DMBX1: variants seen among roughly 807,000 people sequenced by gnomAD.
DMBX1 encodes the protein diencephalon/mesencephalon homeobox protein 1.
Under a neutral mutation model 30.4 loss-of-function variants are expected in DMBX1, and 7 were observed. The observed-to-expected ratio is 0.23, with a 90% CI of 0.13 to 0.43. The LOEUF is 0.43. DMBX1 is among the 20% of genes least tolerant of loss of function. The pLI, the probability that DMBX1 is intolerant of heterozygous loss-of-function variation, is 1.00. For synonymous variants in DMBX1, 222 were observed against 214.2 expected, an observed-to-expected ratio of 1.04 and a Z score of -0.32; for missense variants, 460 against 508.5, an observed-to-expected ratio of 0.90 and a Z score of 0.92.
In DMBX1 at chr1:46,510,512, G is replaced by T. The variant is rs763846022; in HGVS notation, c.191G>T (p.Arg64Leu). Residue 64 changes from arginine (R) to leucine (L), a missense_variant, in exon 4 of 6, where the codon CGC becomes CTC. By Grantham distance (102) the Arg-to-Leu change is moderately radical. This residue lies in a region of DMBX1 where 124 missense variants were observed against 144.0 expected (regional missense o/e 0.86). Transcript: ENST00000360032. The surrounding 1 kb of genome is among the most constrained non-coding windows in gnomAD (Gnocchi z 4.1). ...ILEARYGSQH[R>L]KQRRSRTAFT... ...GAGGCCCGTTATGGTTCCCAGCACC[G>T]CAAACAACGTCGCAGCCGCACAGCG... The T allele has an allele frequency of 1.9e-6, 3 of 1,614,044 alleles. No homozygotes were observed. Among genetic ancestry groups the T allele is most frequent in the Non-Finnish European group, 2.5e-6 (3 of 1,180,004 alleles).
At chr1:46,511,365 TGC>T in intron 5 of DMBX1, 82 bp downstream of exon 5, 1 of 1,363,436 alleles carries the variant, frequency 7.3e-7, no homozygotes, top group Non-Finnish European at 9.7e-7. Context: ...AGTAATCAAC[TGC>T]CCCTCAGGGG....
At chr1:46,507,998 C>T (rs561806547) in intron 3 of DMBX1, among the ~76,000 whole-genome samples, 3 of 151,734 alleles carry the variant, frequency 2.0e-5, no homozygotes, top group East Asian at 3.9e-4. Flanking sequence ...AGTCTGGTGC[C>T]CCACACCTGG....
chr1:46,501,065 C>A (rs958825052), intron 2 of DMBX1, among the ~76,000 whole-genome samples: 2 of 152,096 alleles, frequency 1.3e-5, no homozygotes, highest in Admixed American at 6.6e-5. Flanking sequence ...CTGCCACTCC[C>A]CTAGATAACC....
In DMBX1 at chr1:46,515,653, A is replaced by G. The variant is rs1453215350; in HGVS notation, c.*3159A>G. 2.6e-5 allele frequency among the ~76,000 whole-genome samples: 4 copies of G among 152,232 alleles called. No individual in the cohort carries two copies. The highest frequency in any genetic ancestry group is 9.6e-5 in the African/African-American group (4 of 41,458). On this transcript the variant is annotated 3_prime_UTR_variant, in exon 6 of 6. Coordinates refer to ENST00000360032, the MANE Select transcript of DMBX1 (RefSeq NM_172225.2). ...GAGGACACCTGTGTCTCCTCCAAGC[A>G]CACTGGTAAGCGGCACCGTGCATCT...
intron 2 of DMBX1, among the ~76,000 whole-genome samples, chr1:46,496,335 C>T (rs1294530272): frequency 1.3e-5 from 2 of 152,198 alleles, no homozygotes; most frequent in African/African-American, 4.8e-5. Context: ...TATCCTCCCA[C>T]TGCAGATTCC....
At chr1:46,509,226 C>T (rs1016499499) in intron 3 of DMBX1, among the ~76,000 whole-genome samples, 1 of 152,266 alleles carries the variant, frequency 6.6e-6, no homozygotes, top group Admixed American at 6.5e-5. Context: ...GGGCCCACCA[C>T]CACGCTCAGC....
At position 46,512,326 on chromosome 1, in the gene DMBX1, C is replaced by T. The variant is rs140036474; in HGVS notation, c.966C>T (p.Ala322=). ...CQSYYQSLSA[A]AAAHQGVWGS... Reference sequence around the variant, plus strand: ...CCTACTACCAGTCCCTGTCAGCAGCCGCTGCTGCCCACCAGGGTGTGTGGG... The same window carrying T: ...CCTACTACCAGTCCCTGTCAGCAGCTGCTGCTGCCCACCAGGGTGTGTGGG... The change falls in exon 6 of 6, where the codon GCC becomes GCT. Residue 322 remains alanine (A), a synonymous_variant. Coordinates refer to ENST00000360032, the MANE Select transcript of DMBX1 (RefSeq NM_172225.2). The surrounding 1 kb of genome is among the most constrained non-coding windows in gnomAD (Gnocchi z 4.8). 119 of 1,613,784 alleles carry T rather than the reference C, an allele frequency of 7.4e-5. No homozygotes were observed. The highest frequency in any genetic ancestry group is 2.2e-4 in the South Asian group (20 of 91,076).
intron 2 of DMBX1, among the ~76,000 whole-genome samples, chr1:46,499,432 A>C (rs1471339913): frequency 3.3e-5 from 5 of 152,158 alleles, no homozygotes. Flanking sequence ...ATCCTGTGCG[A>C]CTGGGGTTGG....
chr1:46,494,693 C>T (rs371322813), intron 2 of DMBX1, among the ~76,000 whole-genome samples: 30 of 152,244 alleles, frequency 2.0e-4, no homozygotes, highest in South Asian at 1.0e-3. Flanking sequence ...TCTGTGTGCC[C>T]GTTATGAAGT....
chr1:46,507,328 CATGT>C (rs1490340864), intron 3 of DMBX1, among the ~76,000 whole-genome samples, 164 bp downstream of exon 3: 1 of 152,226 alleles, frequency 6.6e-6, no homozygotes, highest in Non-Finnish European at 1.5e-5. Context: ...CAAAACTATG[CATGT>C]ATATCCAGAG....
intron 3 of DMBX1, among the ~76,000 whole-genome samples, chr1:46,508,949 G>A (rs1666295782): frequency 1.3e-5 from 2 of 152,136 alleles, no homozygotes; most frequent in Admixed American, 1.3e-4. Flanking sequence ...ACTCAGCTCA[G>A]GGCTGAGTCA....
intron 2 of DMBX1, 23 bp from the exon 3 acceptor site, chr1:46,506,976 C>G (rs375477881): frequency 1.9e-6 from 3 of 1,611,482 alleles, no homozygotes; most frequent in Non-Finnish European, 2.5e-6. Flanking sequence ...GCCTCATGGC[C>G]CCTCTCCCTT....
intron 3 of DMBX1, among the ~76,000 whole-genome samples, chr1:46,509,771 C>G (rs1374440869): frequency 1.3e-5 from 2 of 152,092 alleles, no homozygotes; most frequent in East Asian, 1.9e-4. Flanking sequence ...AGACTGAGTG[C>G]AACAAGCCTT....
In DMBX1 at chr1:46,491,699, A is replaced by G. The variant is rs1665931881; in HGVS notation, c.-13+916A>G. 6.6e-6 allele frequency among the ~76,000 whole-genome samples: 1 copy of G among 152,068 alleles called. No individual in the cohort carries two copies. The highest frequency in any genetic ancestry group is 2.4e-5 in the African/African-American group (1 of 41,390). ...AGCTCTGTCCAACCCCTTTCTAGAA[A>G]GTTCTATGGTCTGTTAGTTTTAGGT... On this transcript the variant is annotated intron_variant, in intron 2 of 5. Transcript: ENST00000360032. The surrounding 1 kb of genome is among the most constrained non-coding windows in gnomAD (Gnocchi z 5.5).
chr1:46,512,203 C>T lies in DMBX1; in HGVS notation c.843C>T (p.Phe281=), dbSNP rs781602889. The T allele has an allele frequency of 8.1e-6, 13 of 1,613,972 alleles. No individual in the cohort carries two copies. Among genetic ancestry groups the T allele is most frequent in the South Asian group, 3.3e-5 (3 of 91,094 alleles). Residue 281 remains phenylalanine (F), a synonymous_variant, in exon 6 of 6, where the codon TTC becomes TTT. Transcript: ENST00000360032. The surrounding 1 kb of genome is among the most constrained non-coding windows in gnomAD (Gnocchi z 4.8). ...ATNNLVHYSS[F]EVGGPAPAAA... is the part of the protein sequence containing the mutation. Reference sequence around the variant, plus strand: ...ACAACCTGGTGCACTACTCGTCCTTCGAAGTAGGGGGTCCGGCCCCTGCTG... The same window carrying T: ...ACAACCTGGTGCACTACTCGTCCTTTGAAGTAGGGGGTCCGGCCCCTGCTG...
intron 2 of DMBX1, among the ~76,000 whole-genome samples, chr1:46,494,966 G>C (rs1308255249): frequency 6.6e-6 from 1 of 152,204 alleles, no homozygotes; most frequent in Admixed American, 6.5e-5. Flanking sequence ...GCAGTGACCA[G>C]GGCTCATGTA....
At chr1:46,501,213 C>CCTTCCTTCCTTCCTTT (rs1179560561) in intron 2 of DMBX1, among the ~76,000 whole-genome samples, 237 of 74,518 alleles carry the variant, frequency 3.2e-3, no homozygotes, top group East Asian at 8.2e-3. Context: ...TTCCTTCCTT[C>CCTTCCTTCCTTCCTTT]CTTTCTTTCT....
At chr1:46,506,732 C>A (rs1172590001) in intron 2 of DMBX1, among the ~76,000 whole-genome samples, 1 of 152,218 alleles carries the variant, frequency 6.6e-6, no homozygotes, top group Non-Finnish European at 1.5e-5. Context: ...GAGGTTTCAG[C>A]CTGCCCTGGG....
chr1:46,502,067 T>C (rs12064819), intron 2 of DMBX1, among the ~76,000 whole-genome samples: 6,199 of 152,304 alleles, frequency 0.041, 420 homozygotes, highest in African/African-American at 0.14. Context: ...GTTATGGTTA[T>C]GGTGTGTGGA....
Sources: allele counts gnomAD v4.1 joint callset (sites outside exome capture counted in the v4.1 genomes callset), GRCh38; gene constraint gnomAD v4.1.1; regional missense constraint gnomAD v4.1.1; non-coding constraint Gnocchi (gnomAD v3.1); transcripts MANE v1.5; gene names NCBI Gene and HGNC (gene_info 2026-07-23, HGNC 2026-07-21).